The following SLC7A1 variants were observed in gnomAD, a reference collection of about 807,000 sequenced individuals.
The protein encoded by SLC7A1 is high affinity cationic amino acid transporter 1.
SLC7A1 carries 10 observed loss-of-function variants against 53.9 expected under a neutral mutation model. The ratio of observed to expected loss-of-function variants is 0.19; its 90% CI spans 0.11 to 0.31. The LOEUF (loss-of-function observed/expected upper bound fraction) is 0.31. SLC7A1 is among the 10% of genes least tolerant of loss of function. SLC7A1 has a pLI of 1.00. For missense variants in SLC7A1, 525 were observed against 827.2 expected (o/e 0.63, Z 4.48); for synonymous variants, 342 against 338.7 (o/e 1.01, Z -0.11).
chr13:29,571,564 C>T (rs1272546335), intron 1 of SLC7A1, among the ~76,000 whole-genome samples: 1 of 152,212 alleles, frequency 6.6e-6, no homozygotes, highest in African/African-American at 2.4e-5. Context: ...TAGTCCCGCT[C>T]ACCCAGAGGC....
At chr13:29,591,943 G>A (rs866532223) in intron 1 of SLC7A1, among the ~76,000 whole-genome samples, 3 of 152,190 alleles carry the variant, frequency 2.0e-5, no homozygotes, top group South Asian at 2.1e-4. Context: ...TTCTTTCAAA[G>A]AACACTGTGG....
At chr13:29,582,222 C>T (rs1208249010) in intron 1 of SLC7A1, among the ~76,000 whole-genome samples, 1 of 152,222 alleles carries the variant, frequency 6.6e-6, no homozygotes, top group African/African-American at 2.4e-5. Context: ...CTGAGTTCTT[C>T]CCTCTCTTCC....
At chr13:29,529,557 GAC>G (rs1795616902) in intron 5 of SLC7A1, among the ~76,000 whole-genome samples, 1 of 152,182 alleles carries the variant, frequency 6.6e-6, no homozygotes, top group Non-Finnish European at 1.5e-5. Flanking sequence ...AGCCAGCTCT[GAC>G]CAGGCAGATG....
chr13:29,588,685 C>T (rs1167643972), intron 1 of SLC7A1, among the ~76,000 whole-genome samples: 1 of 151,856 alleles, frequency 6.6e-6, no homozygotes, highest in African/African-American at 2.4e-5. Context: ...TTGTATTTTT[C>T]GTAGACATGA....
Position 29,574,984 on chromosome 13 carries a change from G to T in SLC7A1, c.-115+20432C>A, listed in dbSNP as rs78725919. The stretch of plus-strand genomic sequence containing the variant: ...TCTTTACTTTTTAACCAGTCTGTCA[G>T]CAGAGGATTATTTGCAGCACAAATC... On this transcript the variant is annotated intron_variant, in intron 1 of 12. Transcript: ENST00000380752. 9.8e-3 allele frequency among the ~76,000 whole-genome samples: 1,487 copies of T among 152,242 alleles called. 22 individuals carry two copies. The highest frequency in any genetic ancestry group is 0.035 in the African/African-American group (1,439 of 41,532).
In SLC7A1 at chr13:29,517,573, C is replaced by G; in HGVS notation, c.1510G>C (p.Ala504Pro). ...GCCCCAGGGAAGGGCTAGCTCTTAC[C>G]TATGAGGCTGGTTGAAATGTTCACA... The part of the protein sequence containing the change: ...LIVNISTSLI[A>P]VLIITFCIVT... The change falls in exon 10 of 13, where the codon GCT becomes CCT. Residue 504 changes from alanine to proline, a missense_variant and splice_region_variant. By Grantham distance (27) the Ala-to-Pro change is conservative. Coordinates refer to ENST00000380752, the MANE Select transcript of SLC7A1 (RefSeq NM_003045.5). The G allele has an allele frequency of 6.2e-7, 1 of 1,611,766 alleles. No homozygotes were observed. Among genetic ancestry groups the G allele is most frequent in the Non-Finnish European group, 8.5e-7 (1 of 1,177,804 alleles).
intron 2 of SLC7A1, among the ~76,000 whole-genome samples, chr13:29,540,619 A>G (rs1360208372): frequency 6.6e-6 from 1 of 152,186 alleles, no homozygotes; most frequent in Non-Finnish European, 1.5e-5. Context: ...GGCCAGGAGG[A>G]GTCAAAAGCA....
In SLC7A1 at chr13:29,522,244, G is replaced by C. The variant is rs747261609; in HGVS notation, c.1189+73C>G. On this transcript the variant is annotated intron_variant, in intron 8 of 12. Transcript: ENST00000380752. ...AAGATTACTCACAGACCAGAACTGC[G>C]CAAGACGTCTCCCTAGGGAGTAATG... is the stretch of plus-strand genomic sequence containing the variant. 7 of 1,483,356 alleles carry C rather than the reference G, an allele frequency of 4.7e-6. No homozygotes were observed. In the Admixed American group the frequency reaches 8.4e-5, roughly 18 times the overall value. 91.9% of individuals were successfully genotyped at this position (1,483,356 alleles called of 1,614,324 possible). A position where few individuals can be genotyped will look rare whatever the true frequency, so the allele number is the denominator to read the frequency against.
chr13:29,548,024 T>C (rs1319588813), intron 2 of SLC7A1, among the ~76,000 whole-genome samples: 1 of 152,174 alleles, frequency 6.6e-6, no homozygotes, highest in African/African-American at 2.4e-5. Flanking sequence ...TATGAAACTG[T>C]CAATATTCAG....
At chr13:29,549,538 C>T (rs903577786) in intron 2 of SLC7A1, among the ~76,000 whole-genome samples, 2 of 152,196 alleles carry the variant, frequency 1.3e-5, no homozygotes, top group African/African-American at 4.8e-5. Flanking sequence ...CTCAATATGC[C>T]AACATTCAAC....
intron 1 of SLC7A1, among the ~76,000 whole-genome samples, chr13:29,554,302 T>C (rs1179253534): frequency 6.6e-6 from 1 of 152,194 alleles, no homozygotes; most frequent in East Asian, 1.9e-4. Context: ...AGCTGGTGTC[T>C]TCTGAAAACA....
chr13:29,586,337 T>G (rs1871882973), intron 1 of SLC7A1, among the ~76,000 whole-genome samples: 1 of 152,260 alleles, frequency 6.6e-6, no homozygotes, highest in Admixed American at 6.5e-5. Flanking sequence ...ATTATAAGAA[T>G]AGTCATTCAA....
At position 29,592,998 on chromosome 13, in the gene SLC7A1, G is replaced by T. The variant is rs373088403; in HGVS notation, c.-115+2418C>A. Among the ~76,000 whole-genome samples the T allele has an allele frequency of 4.6e-5, 7 of 152,240 alleles. No homozygotes were observed. The East Asian group carries it at 1.4e-3, about 29-fold the overall frequency. On this transcript the variant is annotated intron_variant, in intron 1 of 12. Coordinates refer to ENST00000380752, the MANE Select transcript of SLC7A1 (RefSeq NM_003045.5). ...AGACAGAGGCTGAAGAGACCCCCCA[G>T]ATTTGGCGAGAGGAGCCAGTAAAGC...
intron 1 of SLC7A1, among the ~76,000 whole-genome samples, chr13:29,556,193 T>G (rs554923681): frequency 6.6e-6 from 1 of 152,220 alleles, no homozygotes; most frequent in Non-Finnish European, 1.5e-5. Flanking sequence ...TGAATCCAGC[T>G]GCCATAAGCT....
Position 29,517,652 on chromosome 13 carries a change from C to G in SLC7A1, c.1431G>C (p.Leu477Phe). 1 of 1,614,192 alleles carries G rather than the reference C, an allele frequency of 6.2e-7. No homozygotes were observed. Among genetic ancestry groups the G allele is most frequent in the African/African-American group, 1.3e-5 (1 of 75,048 alleles). ...GFLPEAEMFS[L>F]KTILSPKNME... Reference sequence around the variant, plus strand: ...TGTTTTTGGGTGAGAGTATGGTTTTCAAAGAGAACATCTCTGCCTCTGGTA... The same window carrying G: ...TGTTTTTGGGTGAGAGTATGGTTTTGAAAGAGAACATCTCTGCCTCTGGTA... Residue 477 changes from leucine to phenylalanine, a missense_variant, in exon 10 of 13, where the codon TTG (leucine) becomes TTC (phenylalanine). Physicochemically the swap from Leu to Phe is conservative, Grantham distance 22. This residue lies in a region of SLC7A1 where 122 missense variants were observed against 140.9 expected (regional missense o/e 0.87). Transcript: ENST00000380752.
At chr13:29,551,769 G>T (rs971390439) in intron 2 of SLC7A1, among the ~76,000 whole-genome samples, 7 of 152,108 alleles carry the variant, frequency 4.6e-5, no homozygotes, top group African/African-American at 1.4e-4. Context: ...GGTGCTCAAG[G>T]CTCACATACC....
chr13:29,551,470 A>G (rs528942293), intron 2 of SLC7A1, among the ~76,000 whole-genome samples: 13 of 152,242 alleles, frequency 8.5e-5, no homozygotes, highest in South Asian at 6.2e-4. Flanking sequence ...AATTCCCCCA[A>G]TTCAGACAGG....
chr13:29,561,046 A>G (rs919333802), intron 1 of SLC7A1, among the ~76,000 whole-genome samples: 5 of 152,178 alleles, frequency 3.3e-5, no homozygotes, highest in African/African-American at 1.2e-4. Flanking sequence ...TCTTCACTCA[A>G]CAGTTATGTA....
chr13:29,538,037 G>A (rs1026770877), intron 2 of SLC7A1, among the ~76,000 whole-genome samples: 2 of 152,194 alleles, frequency 1.3e-5, no homozygotes, highest in Non-Finnish European at 2.9e-5. Flanking sequence ...AGCAACTGGG[G>A]ATGGTGCCTG....
Sources: allele counts gnomAD v4.1 joint callset (sites outside exome capture counted in the v4.1 genomes callset), GRCh38; gene constraint gnomAD v4.1.1; regional missense constraint gnomAD v4.1.1; transcripts MANE v1.5; gene names NCBI Gene and HGNC (gene_info 2026-07-23, HGNC 2026-07-21).